Variants in EEA1 observed in about 807,000 individuals in gnomAD.
EEA1 encodes early endosome antigen 1, 162kD.
EEA1 carries 111 observed loss-of-function variants against 209.2 expected under a neutral mutation model. That is an observed-to-expected ratio of 0.53 (90% confidence interval 0.45 to 0.62). The LOEUF (loss-of-function observed/expected upper bound fraction) is 0.62, where lower values mean the gene tolerates loss of function less well. Among genes scored for constraint, EEA1 ranks in the 20% least tolerant of loss-of-function variants. EEA1 has a pLI of 0.00. For synonymous variants in EEA1, 536 were observed against 540.6 expected, an observed-to-expected ratio of 0.99 and a Z score of 0.12; for missense variants, 1,343 against 1,530.8, an observed-to-expected ratio of 0.88 and a Z score of 2.05.
intron 2 of EEA1, among the ~76,000 whole-genome samples, chr12:92,877,120 CTTTT>C (rs1482813693): frequency 7.0e-6 from 1 of 143,836 alleles, no homozygotes; most frequent in Admixed American, 6.8e-5. Context: ...AATTTTTTTT[CTTTT>C]TTCTTTTTTC....
intron 21 of EEA1, among the ~76,000 whole-genome samples, chr12:92,789,575 G>C (rs757308539): frequency 8.5e-5 from 13 of 152,218 alleles, no homozygotes; most frequent in Admixed American, 2.6e-4. Context: ...GGAGAGGGGG[G>C]TCTGCCATTG....
Position 92,779,149 on chromosome 12 carries a change from A to G in EEA1, c.3620T>C (p.Leu1207Pro). The change falls in exon 25 of 29, where the codon CTG becomes CCG. Residue 1207 changes from leucine (L) to proline (P), a missense_variant. Physicochemically the swap from Leu to Pro is moderately conservative, Grantham distance 98. Coordinates refer to ENST00000322349, the MANE Select transcript of EEA1 (RefSeq NM_003566.4). ...KDQVKKEEEELKKEFIEKEAK... is the reference protein window; with the variant it reads ...KDQVKKEEEEPKKEFIEKEAK... The stretch of plus-strand genomic sequence containing the variant: ...TTCTTTCTCAATAAATTCTTTCTTC[A>G]GCTCCTCTTCTTCCTTTTTCACCTG... The G allele has an allele frequency of 5.0e-6, 8 of 1,604,134 alleles. No individual in the cohort carries two copies. Among genetic ancestry groups the G allele is most frequent in the Non-Finnish European group, 6.8e-6 (8 of 1,177,758 alleles).
At chr12:92,792,715 G>C (rs1037790795) in intron 21 of EEA1, among the ~76,000 whole-genome samples, 2 of 152,114 alleles carry the variant, frequency 1.3e-5, no homozygotes, top group Non-Finnish European at 2.9e-5. Flanking sequence ...AAGAGGAGCT[G>C]GTACCATTCC....
chr12:92,876,995 G>A (rs1462279668), intron 2 of EEA1, among the ~76,000 whole-genome samples: 3 of 149,306 alleles, frequency 2.0e-5, no homozygotes, highest in Non-Finnish European at 4.4e-5. Flanking sequence ...CTAGACTGGT[G>A]TGCAGTGGCA....
chr12:92,901,301 C>T lies in EEA1; in HGVS notation c.25-9580G>A, dbSNP rs145869841. 6.7e-3 allele frequency among the ~76,000 whole-genome samples: 1,016 copies of T among 152,210 alleles called. 22 individuals carry two copies. The highest frequency in any genetic ancestry group is 0.045 in the Admixed American group (686 of 15,294). ...CTATGGGCTCCAGTGATTCTCCTGC[C>T]TCACCCTCCCAAAGTGCTGGGATTA... On this transcript the variant is annotated intron_variant, in intron 1 of 28. Coordinates refer to ENST00000322349, the MANE Select transcript of EEA1 (RefSeq NM_003566.4).
At chr12:92,807,224 G>A (rs1213267844) in intron 18 of EEA1, among the ~76,000 whole-genome samples, 1 of 151,808 alleles carries the variant, frequency 6.6e-6, no homozygotes, top group East Asian at 1.9e-4. Context: ...AAATTTCTAG[G>A]ATTACAGGCA....
rs1415904241 is a variant in EEA1 at position 92,773,108 on chromosome 12, AT to A, written c.*2902del. ...TATAATGGTGGCACATTTAAATCTT[AT>A]GGATCAAATCATCCATGGTTTTATA... On this transcript the variant is annotated 3_prime_UTR_variant, in exon 29 of 29. Transcript: ENST00000322349. The A allele has an allele frequency of 6.6e-6, 1 of 152,134 alleles. No individual in the cohort carries two copies. Among genetic ancestry groups the A allele is most frequent in the East Asian group, 1.9e-4 (1 of 5,200 alleles). The allele number at this position is 152,134 out of a possible 1,614,324, so 9.4% of individuals were successfully genotyped here. A position where few individuals can be genotyped will look rare whatever the true frequency, so the allele number is the denominator to read the frequency against.
intron 11 of EEA1, among the ~76,000 whole-genome samples, chr12:92,830,176 A>G (rs1180511276): frequency 6.6e-6 from 1 of 152,144 alleles, no homozygotes; most frequent in Non-Finnish European, 1.5e-5. Context: ...TCAAATATTT[A>G]ACTTTTATTT....
chr12:92,789,747 G>A (rs1276617403), intron 21 of EEA1, among the ~76,000 whole-genome samples: 2 of 152,176 alleles, frequency 1.3e-5, no homozygotes, highest in African/African-American at 4.8e-5. Context: ...GTCCCTGTCT[G>A]ACAGCTCTGA....
At chr12:92,804,593 A>C (rs1394829128) in intron 18 of EEA1, among the ~76,000 whole-genome samples, 1 of 151,746 alleles carries the variant, frequency 6.6e-6, no homozygotes, top group Non-Finnish European at 1.5e-5. Context: ...AAAAAAAAAA[A>C]ATCAGTAACA....
chr12:92,901,844 C>T (rs1384350902), intron 1 of EEA1, among the ~76,000 whole-genome samples: 1 of 152,160 alleles, frequency 6.6e-6, no homozygotes, highest in Admixed American at 6.5e-5. Flanking sequence ...GCTGGGATTA[C>T]AGGCATGAGC....
chr12:92,832,093 C>CA (rs760668908), intron 11 of EEA1, among the ~76,000 whole-genome samples: 1,243 of 62,122 alleles, frequency 0.02, 9 homozygotes, highest in East Asian at 0.049. Context: ...GACTCCGTCT[C>CA]AAAAAAAAAA....
At position 92,857,599 on chromosome 12, in the gene EEA1, A is replaced by G. The variant is rs192481616; in HGVS notation, c.246-114T>C. The G allele has an allele frequency of 8.4e-4, 511 of 605,466 alleles. 4 individuals are homozygous for G. In the African/African-American group the frequency reaches 8.8e-3, roughly 10 times the overall value. 37.5% of individuals were successfully genotyped at this position (605,466 alleles called of 1,614,324 possible). ...TAATATTATAGTTTTTTCAATTCAA[A>G]AAAAAACTACGGAAGATTTTATCTA... On this transcript the variant is annotated intron_variant, in intron 3 of 28. Coordinates refer to ENST00000322349, the MANE Select transcript of EEA1 (RefSeq NM_003566.4).
intron 2 of EEA1, among the ~76,000 whole-genome samples, chr12:92,871,668 T>C (rs1473145705): frequency 2.6e-5 from 4 of 152,232 alleles, no homozygotes; most frequent in African/African-American, 9.6e-5. Flanking sequence ...AAGTGGTAAC[T>C]GTACAAAAGG....
chr12:92,847,409 T>C (rs1299240426), intron 9 of EEA1, among the ~76,000 whole-genome samples: 1 of 152,140 alleles, frequency 6.6e-6, no homozygotes, highest in Non-Finnish European at 1.5e-5. Flanking sequence ...ATAACTAGAA[T>C]TGAATTTTAA....
Position 92,801,579 on chromosome 12 carries a change from GT to G in EEA1, c.2772+20del. 1.3e-6 allele frequency: 2 copies of G among 1,496,692 alleles called. No homozygotes were observed. The highest frequency in any genetic ancestry group is 1.8e-6 in the Non-Finnish European group (2 of 1,101,958). The allele number at this position is 1,496,692 out of a possible 1,614,324, so 92.7% of individuals were successfully genotyped here. A position where few individuals can be genotyped will look rare whatever the true frequency, so the allele number is the denominator to read the frequency against. ...CCTTACTATACTTTACAGATTTTATGTTACAAAAAAAAAATCTTACCTCCTT... is the reference window on the plus strand; with the variant it reads ...CCTTACTATACTTTACAGATTTTATGTACAAAAAAAAAATCTTACCTCCTT... On this transcript the variant is annotated intron_variant, in intron 20 of 28. Coordinates refer to ENST00000322349, the MANE Select transcript of EEA1 (RefSeq NM_003566.4).
At chr12:92,856,738 A>G (rs1007194284) in intron 5 of EEA1, among the ~76,000 whole-genome samples, 1 of 147,236 alleles carries the variant, frequency 6.8e-6, no homozygotes, top group African/African-American at 2.6e-5. Flanking sequence ...AGCCTGGTAT[A>G]AAAAAAAACA....
intron 9 of EEA1, among the ~76,000 whole-genome samples, chr12:92,843,172 T>C (rs1425297011): frequency 6.6e-6 from 1 of 152,174 alleles, no homozygotes; most frequent in African/African-American, 2.4e-5. Flanking sequence ...TTATTATTTT[T>C]TTTTATACAG....
At chr12:92,880,952 T>A (rs1218610394) in intron 2 of EEA1, among the ~76,000 whole-genome samples, 1 of 152,204 alleles carries the variant, frequency 6.6e-6, no homozygotes, top group Non-Finnish European at 1.5e-5. Flanking sequence ...AGACAAGGAA[T>A]GACAGACTGA....
Sources: allele counts gnomAD v4.1 joint callset (sites outside exome capture counted in the v4.1 genomes callset), GRCh38; gene constraint gnomAD v4.1.1; transcripts MANE v1.5; gene names NCBI Gene and HGNC (gene_info 2026-07-23, HGNC 2026-07-21).